NAALADL2: variants seen among roughly 807,000 people sequenced by gnomAD.
The protein encoded by NAALADL2 is inactive N-acetylated-alpha-linked acidic dipeptidase-like protein 2.
NAALADL2 carries 76 observed loss-of-function variants against 87.2 expected under a neutral mutation model. The ratio of observed to expected loss-of-function variants is 0.87; its 90% CI spans 0.72 to 1.05. The LOEUF is 1.05. Ranked by LOEUF, NAALADL2 falls within the 50% of genes least tolerant of loss-of-function variation. The pLI, the probability that NAALADL2 is intolerant of heterozygous loss-of-function variation, is 0.00. For missense variants in NAALADL2, 1,089 were observed against 945.8 expected, an observed-to-expected ratio of 1.15 and a Z score of -1.99; for synonymous variants, 354 against 331.0, an observed-to-expected ratio of 1.07 and a Z score of -0.75.
chr3:175,408,878 T>C (rs1712932544), intron 5 of NAALADL2, among the ~76,000 whole-genome samples: 2 of 151,970 alleles, frequency 1.3e-5, no homozygotes. Context: ...GTTGAGAAAA[T>C]TGAAGTGAAT....
intron 6 of NAALADL2, among the ~76,000 whole-genome samples, chr3:175,448,876 A>G (rs1721097885): frequency 6.6e-6 from 1 of 151,946 alleles, no homozygotes; most frequent in African/African-American, 2.4e-5. Context: ...CACTAGACTA[A>G]TTTAAAAAGT....
intron 1 of NAALADL2, among the ~76,000 whole-genome samples, chr3:174,909,670 G>T (rs141780635): frequency 1.3e-5 from 2 of 152,208 alleles, no homozygotes; most frequent in East Asian, 1.9e-4. Context: ...TCACGTTCTA[G>T]CTATGGCACT....
At chr3:174,711,682 A>G (rs1310984203) in intron 2 of NAALADL2, among the ~76,000 whole-genome samples, 1 of 152,144 alleles carries the variant, frequency 6.6e-6, no homozygotes, top group East Asian at 1.9e-4. Flanking sequence ...TGTCCAGACT[A>G]TGTGTTTGTT....
chr3:175,218,719 A>T (rs1742905049), intron 2 of NAALADL2, among the ~76,000 whole-genome samples: 1 of 152,134 alleles, frequency 6.6e-6, no homozygotes, highest in Admixed American at 6.6e-5. Flanking sequence ...TGTGAGACTT[A>T]TCCATGGTGT....
At chr3:175,201,307 C>A (rs1739986451) in intron 2 of NAALADL2, among the ~76,000 whole-genome samples, 1 of 152,118 alleles carries the variant, frequency 6.6e-6, no homozygotes, top group African/African-American at 2.4e-5. Context: ...AAATTAAATT[C>A]TAATTGTATG....
At chr3:174,666,825 A>G (rs893790583) in intron 2 of NAALADL2, among the ~76,000 whole-genome samples, 1 of 152,158 alleles carries the variant, frequency 6.6e-6, no homozygotes, top group East Asian at 1.9e-4. Flanking sequence ...CCCATTGAAC[A>G]ACAACTTTCA....
intron 3 of NAALADL2, among the ~76,000 whole-genome samples, chr3:174,803,148 C>T (rs1209229027): frequency 6.6e-6 from 1 of 152,036 alleles, no homozygotes; most frequent in African/African-American, 2.4e-5. Context: ...CTGTTGTTTC[C>T]TGACTTTTTA....
chr3:174,910,079 T>A (rs922009862), intron 1 of NAALADL2, among the ~76,000 whole-genome samples: 1 of 152,038 alleles, frequency 6.6e-6, no homozygotes, highest in Non-Finnish European at 1.5e-5. Flanking sequence ...TTTATCTAAA[T>A]TGTGTTCATC....
intron 3 of NAALADL2, among the ~76,000 whole-genome samples, chr3:174,848,145 G>A (rs1361124090): frequency 1.3e-5 from 2 of 151,858 alleles, no homozygotes; most frequent in East Asian, 3.9e-4. Context: ...CCAAAGTTGT[G>A]TAATTCAATG....
Position 174,625,906 on chromosome 3 carries a change from A to G in NAALADL2, c.-115+75269A>G, listed in dbSNP as rs188222502. Among the ~76,000 whole-genome samples the G allele has an allele frequency of 3.6e-3, 546 of 152,172 alleles. 1 individual carries two copies. The highest frequency in any genetic ancestry group is 4.1e-3 in the Non-Finnish European group (282 of 67,958). On this transcript the variant is annotated intron_variant, in intron 2 of 3. Coordinates refer to the NAALADL2 transcript ENST00000434257. Reference sequence around the variant, plus strand: ...TACTGGAGGACTACTATTCTTCACAATGTTAATATCTTTAAGTTGTGGAAT... The same window carrying G: ...TACTGGAGGACTACTATTCTTCACAGTGTTAATATCTTTAAGTTGTGGAAT...
rs200370065 is a variant in NAALADL2, at chr3:174,488,529, C to T, written c.-184+47497C>T. On this transcript the variant is annotated intron_variant, in intron 1 of 3. Coordinates refer to the NAALADL2 transcript ENST00000434257. ...TGTGCTGTACAAGACTTCACAAATC[C>T]ATAAACTAGTCCTTACTAAGGATGC... is the stretch of plus-strand genomic sequence containing the variant. 1.1e-4 allele frequency among the ~76,000 whole-genome samples: 17 copies of T among 152,166 alleles called. No homozygotes were observed. In the East Asian group the frequency reaches 2.3e-3, roughly 21 times the overall value.
intron 11 of NAALADL2, among the ~76,000 whole-genome samples, chr3:175,723,387 G>C (rs1418606706): frequency 2.0e-5 from 3 of 152,098 alleles, no homozygotes; most frequent in Admixed American, 1.3e-4. Flanking sequence ...GCCCATAGAA[G>C]TTCAAGTAGT....
chr3:175,006,678 A>G lies in NAALADL2; in HGVS notation c.44-90112A>G, dbSNP rs137918904. On this transcript the variant is annotated intron_variant, in intron 1 of 13. Coordinates refer to ENST00000454872, the MANE Select transcript of NAALADL2 (RefSeq NM_207015.3). ...AAAAAATTGTTTTTCTGCTAAGTGTATAGGGCCCTTGAGGTTTTTAACAGC... is the reference window on the plus strand; with the variant it reads ...AAAAAATTGTTTTTCTGCTAAGTGTGTAGGGCCCTTGAGGTTTTTAACAGC... Among the ~76,000 whole-genome samples, 517 of 151,706 alleles carry G rather than the reference A, an allele frequency of 3.4e-3. 2 individuals are homozygous for G. The highest frequency in any genetic ancestry group is 0.012 in the African/African-American group (482 of 41,336).
At chr3:175,273,685 C>A (rs1012900368) in intron 4 of NAALADL2, among the ~76,000 whole-genome samples, 3 of 151,550 alleles carry the variant, frequency 2.0e-5, no homozygotes, top group African/African-American at 7.3e-5. Flanking sequence ...TTAACCCTAA[C>A]GTAAGAGTAT....
intron 11 of NAALADL2, among the ~76,000 whole-genome samples, chr3:175,635,588 G>T (rs1272545379): frequency 1.3e-5 from 2 of 152,086 alleles, no homozygotes; most frequent in African/African-American, 4.8e-5. Context: ...GTTTAATTCA[G>T]GAAGTAGAAG....
At chr3:174,454,793 A>C (rs112046786) in intron 1 of NAALADL2, among the ~76,000 whole-genome samples, 2,697 of 152,214 alleles carry the variant, frequency 0.018, 54 homozygotes, top group African/African-American at 0.045. Context: ...AAAGATCTCA[A>C]TTTAACAACC....
chr3:174,564,438 C>G (rs1032010731), intron 2 of NAALADL2, among the ~76,000 whole-genome samples: 1 of 151,932 alleles, frequency 6.6e-6, no homozygotes, highest in African/African-American at 2.4e-5. Context: ...GCGTGGAAAC[C>G]CGGGGAACCC....
chr3:174,942,783 C>T (rs2108476631), intron 1 of NAALADL2, among the ~76,000 whole-genome samples: 1 of 152,190 alleles, frequency 6.6e-6, no homozygotes, highest in Middle Eastern at 3.4e-3. Flanking sequence ...TTCAGAGAGC[C>T]AGTCTTCAAG....
intron 1 of NAALADL2, among the ~76,000 whole-genome samples, chr3:174,525,409 C>T (rs188593966): frequency 3.8e-4 from 58 of 152,248 alleles, no homozygotes; most frequent in East Asian, 1.4e-3. Flanking sequence ...TGTCAGATGG[C>T]GAGAGCAATA....
Sources: allele counts gnomAD v4.1 joint callset (sites outside exome capture counted in the v4.1 genomes callset), GRCh38; gene constraint gnomAD v4.1.1; transcripts MANE v1.5; gene names NCBI Gene and HGNC (gene_info 2026-07-23, HGNC 2026-07-21).